SPATA45: variants seen among roughly 807,000 people sequenced by gnomAD.
SPATA45 encodes the protein spermatogenesis associated 45, also known as spermatogenesis-associated protein 45.
In SPATA45, 5 loss-of-function variants were observed where a neutral mutation model predicts 7.0. That is an observed-to-expected ratio of 0.71 (90% CI 0.37 to 1.50). The LOEUF (loss-of-function observed/expected upper bound fraction) is 1.50, where lower values mean the gene tolerates loss of function less well. SPATA45 is among the 40% of genes most tolerant of loss of function. The probability of loss-of-function intolerance (pLI) is 0.03; values close to 1 mark genes in which losing one functional copy is unlikely to be tolerated. For missense variants in SPATA45, 111 were observed against 114.9 expected (o/e 0.97, Z 0.16); for synonymous variants, 40 against 38.7 (o/e 1.03, Z -0.13).
At chr1:212,845,200 T>C in intron 1 of SPATA45, among the ~76,000 whole-genome samples, 1 of 152,206 alleles carries the variant, frequency 6.6e-6, no homozygotes, top group East Asian at 1.9e-4. Context: ...CGTGAAAATC[T>C]ATCCTCAAGA....
rs140925785 is a variant in SPATA45 at position 212,836,450 on chromosome 1, C to A, written c.-38-263G>T. On this transcript the variant is annotated intron_variant, in intron 1 of 2. Coordinates refer to ENST00000332912, the MANE Select transcript of SPATA45 (RefSeq NM_001024601.3). ...GATTCAAGTGATTCTTGTGCCTCAG[C>A]CTCCTAAGTAGCTGGAATTACAGGC... 3.2e-4 allele frequency among the ~76,000 whole-genome samples: 49 copies of A among 151,564 alleles called. No individual in the cohort carries two copies. In the South Asian group the frequency reaches 6.1e-3, roughly 19 times the overall value.
chr1:212,840,350 T>C (rs1663658134), intron 1 of SPATA45, among the ~76,000 whole-genome samples: 1 of 152,196 alleles, frequency 6.6e-6, no homozygotes, highest in African/African-American at 2.4e-5. Context: ...ATAGAGGTTA[T>C]AGTGAGCGGA....
At chr1:212,830,440 G>A (rs1383221008) in intron 2 of SPATA45, among the ~76,000 whole-genome samples, 179 bp from the exon 3 acceptor site, 1 of 151,340 alleles carries the variant, frequency 6.6e-6, no homozygotes, top group Non-Finnish European at 1.5e-5. Flanking sequence ...GGGAAGCCGA[G>A]GTGGGCGGAT....
intron 1 of SPATA45, among the ~76,000 whole-genome samples, chr1:212,845,182 C>T (rs1397445753): frequency 6.6e-6 from 1 of 152,176 alleles, no homozygotes; most frequent in Admixed American, 6.6e-5. Flanking sequence ...CTCTCATTTC[C>T]TTTCTATCGT....
chr1:212,844,717 C>G (rs992051222), intron 1 of SPATA45, among the ~76,000 whole-genome samples: 1 of 152,160 alleles, frequency 6.6e-6, no homozygotes, highest in African/African-American at 2.4e-5. Context: ...TATACTGACT[C>G]TAAATATGCC....
chr1:212,831,523 T>C (rs1318467421), intron 2 of SPATA45, among the ~76,000 whole-genome samples: 3 of 149,420 alleles, frequency 2.0e-5, no homozygotes, highest in African/African-American at 4.9e-5. Context: ...TACTAGTCAA[T>C]GACAGAGGCA....
intron 2 of SPATA45, among the ~76,000 whole-genome samples, chr1:212,831,163 A>G (rs558266481): frequency 3.3e-5 from 5 of 150,664 alleles, no homozygotes; most frequent in South Asian, 2.1e-4. Flanking sequence ...TAAAAAAAAA[A>G]AAAGAAAGAA....
At chr1:212,837,082 T>C (rs982174252) in intron 1 of SPATA45, among the ~76,000 whole-genome samples, 4 of 147,922 alleles carry the variant, frequency 2.7e-5, no homozygotes, top group African/African-American at 9.7e-5. Context: ...AATTATACTA[T>C]GCATTGTTTT....
chr1:212,836,111 T>C lies in SPATA45; in HGVS notation c.39A>G (p.Lys13=), dbSNP rs1420487635. Residue 13 remains lysine (K), a synonymous_variant, in exon 2 of 3, where the codon AAA becomes AAG. Transcript: ENST00000332912. ...SINRTIEIMK[K]HGVSKQHLLE... ...GGAGATGTTGTTTGCTTACTCCATGTTTTTTCATTATTTCAATGGTTCTGT... is the reference window on the plus strand; with the variant it reads ...GGAGATGTTGTTTGCTTACTCCATGCTTTTTCATTATTTCAATGGTTCTGT... 6.2e-7 allele frequency: 1 copy of C among 1,606,772 alleles called. No individual in the cohort carries two copies. The highest frequency in any genetic ancestry group is 1.1e-5 in the South Asian group (1 of 90,634).
At chr1:212,845,582 C>G (rs1353870953) in intron 1 of SPATA45, among the ~76,000 whole-genome samples, 1 of 152,158 alleles carries the variant, frequency 6.6e-6, no homozygotes, top group Non-Finnish European at 1.5e-5. Flanking sequence ...GGTTTTACCT[C>G]AAATCGCCAC....
chr1:212,835,836 CAAA>C (rs369495200), intron 2 of SPATA45, 34 bp downstream of exon 2: 974 of 1,351,642 alleles, frequency 7.2e-4, no homozygotes, highest in Admixed American at 2.2e-3. Flanking sequence ...AACTCCATCT[CAAA>C]AAAAAAAAAA....
Position 212,835,889 on chromosome 1 carries a change from C to T in SPATA45, c.261G>A (p.Lys87=). The T allele has an allele frequency of 6.3e-7, 1 of 1,590,800 alleles. No homozygotes were observed. Among genetic ancestry groups the T allele is most frequent in the Non-Finnish European group, 8.5e-7 (1 of 1,171,856 alleles). ...ACTTCTTACTTTTTGGTGGAAAGTGCTTTCTCTCCATGTGAGCAAGGAGAC... is the reference window on the plus strand; with the variant it reads ...ACTTCTTACTTTTTGGTGGAAAGTGTTTTCTCTCCATGTGAGCAAGGAGAC... ...KLSLLAHMER[K]HFPPKNNAIF... Residue 87 remains lysine (K), a synonymous_variant, in exon 2 of 3, where the codon AAG becomes AAA. Transcript: ENST00000332912.
At chr1:212,837,106 C>T (rs1023570027) in intron 1 of SPATA45, among the ~76,000 whole-genome samples, 1 of 147,230 alleles carries the variant, frequency 6.8e-6, no homozygotes, top group Non-Finnish European at 1.5e-5. Context: ...CTTTTAGAAG[C>T]ATTATTTCTT....
intron 1 of SPATA45, among the ~76,000 whole-genome samples, chr1:212,838,255 G>C (rs1663620865): frequency 6.7e-6 from 1 of 148,298 alleles, no homozygotes; most frequent in South Asian, 2.1e-4. Flanking sequence ...GGTGAGTCAA[G>C]ATCATAGCAC....
intron 2 of SPATA45, among the ~76,000 whole-genome samples, chr1:212,831,981 C>G (rs1663497705): frequency 6.6e-6 from 1 of 150,642 alleles, no homozygotes; most frequent in Admixed American, 6.7e-5. Flanking sequence ...ATAGCTCTTA[C>G]CCATTTATCA....
chr1:212,832,359 CTTTTTTTTTTTTTTTT>C (rs34934655), intron 2 of SPATA45, among the ~76,000 whole-genome samples: 2 of 57,174 alleles, frequency 3.5e-5, no homozygotes, highest in Admixed American at 2.2e-4. Flanking sequence ...GAAATCTAAG[CTTTTTTTTTTTTTTTT>C]TTTTTTTTTT....
At chr1:212,831,546 A>G (rs1485658235) in intron 2 of SPATA45, among the ~76,000 whole-genome samples, 1 of 151,000 alleles carries the variant, frequency 6.6e-6, no homozygotes, top group Non-Finnish European at 1.5e-5. Flanking sequence ...ACTTGAACCC[A>G]GGTGTTTTTA....
At chr1:212,837,815 C>T (rs1663615422) in intron 1 of SPATA45, among the ~76,000 whole-genome samples, 1 of 151,750 alleles carries the variant, frequency 6.6e-6, no homozygotes, top group African/African-American at 2.4e-5. Flanking sequence ...GCGAAATATT[C>T]AGCACTGATA....
intron 1 of SPATA45, among the ~76,000 whole-genome samples, chr1:212,843,177 C>G (rs1383968793): frequency 1.3e-5 from 2 of 149,762 alleles, no homozygotes; most frequent in Non-Finnish European, 3.0e-5. Context: ...GTAATCCCAG[C>G]TACTCTGGAG....
Sources: gnomAD v4.1 joint callset for allele counts (sites outside exome capture counted in the v4.1 genomes callset) on GRCh38, gnomAD v4.1.1 for gene constraint, MANE v1.5 for transcripts, NCBI Gene and HGNC (gene_info 2026-07-23, HGNC 2026-07-21) for gene names.